Variants in TFG observed in about 807,000 individuals in gnomAD.
TFG encodes the protein protein TFG.
TFG carries 22 observed loss-of-function variants against 51.4 expected under a neutral mutation model. The observed-to-expected ratio is 0.43, with a 90% CI of 0.31 to 0.61. The LOEUF is 0.61. Among genes scored for constraint, TFG ranks in the 20% least tolerant of loss-of-function variants. The pLI, the probability that TFG is intolerant of heterozygous loss-of-function variation, is 0.12. For synonymous variants in TFG, 187 were observed against 165.6 expected, an observed-to-expected ratio of 1.13 and a Z score of -0.99; for missense variants, 419 against 487.7, an observed-to-expected ratio of 0.86 and a Z score of 1.33.
At chr3:100,728,628 T>A in intron 3 of TFG, 84 bp from the exon 4 acceptor site, 1 of 1,165,782 alleles carries the variant, frequency 8.6e-7, no homozygotes, top group Non-Finnish European at 1.2e-6. Context: ...TTAAAGGAAT[T>A]GTATTTATTT....
chr3:100,714,592 C>G (rs780861077), intron 2 of TFG, among the ~76,000 whole-genome samples: 1 of 151,502 alleles, frequency 6.6e-6, no homozygotes, highest in Non-Finnish European at 1.5e-5. Context: ...ATTATTTTCT[C>G]CTTTTGTCCA....
intron 4 of TFG, among the ~76,000 whole-genome samples, chr3:100,732,005 G>A (rs2095092904): frequency 6.6e-6 from 1 of 152,072 alleles, no homozygotes; most frequent in African/African-American, 2.4e-5. Context: ...ATTAATTATG[G>A]TTGGCTTGAT....
intron 2 of TFG, among the ~76,000 whole-genome samples, chr3:100,719,499 C>T (rs1007089912): frequency 1.3e-5 from 2 of 152,034 alleles, no homozygotes; most frequent in Non-Finnish European, 2.9e-5. Context: ...TGGTCAGTGA[C>T]CTGAAAGAAT....
intron 6 of TFG, among the ~76,000 whole-genome samples, chr3:100,739,172 G>T (rs1382585575): frequency 6.6e-6 from 1 of 151,984 alleles, no homozygotes; most frequent in Admixed American, 6.6e-5. Context: ...TCAACTACTG[G>T]TTATAATTTG....
At chr3:100,719,137 C>T (rs9883418) in intron 2 of TFG, among the ~76,000 whole-genome samples, 4,538 of 152,172 alleles carry the variant, frequency 0.03, 182 homozygotes, top group African/African-American at 0.092. Context: ...GTCATCTTTG[C>T]CCAAAATAAA....
In TFG at chr3:100,741,887, G is replaced by A. The variant is rs1200493358; in HGVS notation, c.722-2946G>A. On this transcript the variant is annotated intron_variant, in intron 6 of 7. Coordinates refer to ENST00000240851, the MANE Select transcript of TFG (RefSeq NM_006070.6). Reference sequence around the variant, plus strand: ...GCTCTACAGGTTTGTAGACTGCTATGTACCATATAGCCTAGCTATGTAGTA... The same window carrying A: ...GCTCTACAGGTTTGTAGACTGCTATATACCATATAGCCTAGCTATGTAGTA... Among the ~76,000 whole-genome samples the A allele has an allele frequency of 2.0e-5, 3 of 152,110 alleles. No homozygotes were observed. The East Asian group carries it at 5.8e-4, about 29-fold the overall frequency.
intron 3 of TFG, among the ~76,000 whole-genome samples, chr3:100,727,475 A>C (rs1191739324): frequency 6.6e-6 from 1 of 152,224 alleles, no homozygotes; most frequent in Non-Finnish European, 1.5e-5. Context: ...TTTTCTAATT[A>C]GGTGCTTCAG....
At chr3:100,740,875 A>C (rs2095119431) in intron 6 of TFG, among the ~76,000 whole-genome samples, 1 of 152,196 alleles carries the variant, frequency 6.6e-6, no homozygotes, top group African/African-American at 2.4e-5. Context: ...GCACTGTATA[A>C]CATTTCAGTC....
At chr3:100,736,872 C>G (rs1405520974) in intron 6 of TFG, among the ~76,000 whole-genome samples, 156 bp downstream of exon 6, 2 of 151,962 alleles carry the variant, frequency 1.3e-5, no homozygotes, top group East Asian at 1.9e-4. Context: ...CCAAATAGAA[C>G]AATATGTCAG....
At chr3:100,718,050 G>A (rs763782320) in intron 2 of TFG, among the ~76,000 whole-genome samples, 6 of 151,830 alleles carry the variant, frequency 4.0e-5, no homozygotes, top group Non-Finnish European at 5.9e-5. Flanking sequence ...TCAGCCTCCC[G>A]TGTAGCTGGG....
At chr3:100,731,564 A>G (rs2149081575) in intron 4 of TFG, among the ~76,000 whole-genome samples, 1 of 152,306 alleles carries the variant, frequency 6.6e-6, no homozygotes, top group South Asian at 2.1e-4. Context: ...AACTTATAGT[A>G]TCATATAATT....
intron 4 of TFG, 94 bp downstream of exon 4, chr3:100,728,952 C>T: frequency 9.3e-7 from 1 of 1,079,086 alleles, no homozygotes; most frequent in South Asian, 1.8e-5. Flanking sequence ...GGATGGCATC[C>T]CCAATGTCAC....
chr3:100,711,385 G>GCCA (rs1346619584), intron 1 of TFG, among the ~76,000 whole-genome samples: 1 of 152,162 alleles, frequency 6.6e-6, no homozygotes, highest in Non-Finnish European at 1.5e-5. Flanking sequence ...ACAGGTGTGA[G>GCCA]CCACCGTGCC....
At chr3:100,717,768 T>C (rs773343687) in intron 2 of TFG, among the ~76,000 whole-genome samples, 5 of 152,160 alleles carry the variant, frequency 3.3e-5, no homozygotes, top group Non-Finnish European at 7.3e-5. Context: ...ATTTATTGGT[T>C]CTAAGGGTTT....
intron 2 of TFG, among the ~76,000 whole-genome samples, chr3:100,719,051 G>C (rs1023251709): frequency 6.6e-6 from 1 of 152,164 alleles, no homozygotes; most frequent in South Asian, 2.1e-4. Flanking sequence ...TATGAAAATT[G>C]AACATTAAAC....
At chr3:100,713,452 C>T (rs1040749627) in intron 1 of TFG, among the ~76,000 whole-genome samples, 191 bp from the exon 2 acceptor site, 2 of 152,054 alleles carry the variant, frequency 1.3e-5, no homozygotes, top group African/African-American at 2.4e-5. Context: ...TAATAGTAGA[C>T]GTAAAATAAA....
At chr3:100,718,592 T>C (rs946367086) in intron 2 of TFG, among the ~76,000 whole-genome samples, 3 of 146,750 alleles carry the variant, frequency 2.0e-5, no homozygotes, top group Admixed American at 6.9e-5. Flanking sequence ...AAGTCTTGCT[T>C]TGTCGTTTAG....
At chr3:100,727,804 T>A (rs72930716) in intron 3 of TFG, among the ~76,000 whole-genome samples, 4,528 of 152,230 alleles carry the variant, frequency 0.03, 184 homozygotes, top group African/African-American at 0.092. Flanking sequence ...ATGATGTAGA[T>A]AAGTTCTGCA....
chr3:100,721,926 G>A lies in TFG; in HGVS notation c.268+1868G>A, dbSNP rs146510520. On this transcript the variant is annotated intron_variant, in intron 3 of 7. Coordinates refer to ENST00000240851, the MANE Select transcript of TFG (RefSeq NM_006070.6). ...AGCACTTTGGGAGGCCAAGGCGGGC[G>A]GATTGCCTGAGTGCAGGAGTTCGCG... 2.3e-3 allele frequency among the ~76,000 whole-genome samples: 350 copies of A among 152,350 alleles called. 4 individuals are homozygous for A. Among genetic ancestry groups the A allele is most frequent in the Non-Finnish European group, 4.3e-3 (293 of 68,038 alleles).
Sources: allele counts gnomAD v4.1 joint callset (sites outside exome capture counted in the v4.1 genomes callset), GRCh38; gene constraint gnomAD v4.1.1; transcripts MANE v1.5; gene names NCBI Gene and HGNC (gene_info 2026-07-23, HGNC 2026-07-21).